The following CLECL1 variants were observed in gnomAD, a reference collection of about 807,000 sequenced individuals.
CLECL1 encodes C-type lectin like 1, also known as C-type lectin-like domain family 1.
At chr12:9,721,049 C>A (rs772113767), downstream of CLECL1, among the ~76,000 whole-genome samples, 3 of 152,176 alleles carry the variant, frequency 2.0e-5, no homozygotes, top group African/African-American at 4.8e-5. Context: ...GAAGGGGTAG[C>A]AGCATTTCTT....
chr12:9,718,660 GC>G, downstream of CLECL1: 1 of 693,546 alleles, frequency 1.4e-6, no homozygotes, highest in Non-Finnish European at 2.6e-6. Context: ...ATTGCGGTGG[GC>G]CCTAATCCAA....
downstream of CLECL1, among the ~76,000 whole-genome samples, chr12:9,714,215 T>G (rs1866218122): frequency 6.6e-6 from 1 of 152,212 alleles, no homozygotes; most frequent in Non-Finnish European, 1.5e-5. Flanking sequence ...GCATAAGTGG[T>G]GGGTCCATAG....
intron 3 of CLECL1, among the ~76,000 whole-genome samples, chr12:9,724,325 C>T (rs1238560566): frequency 6.6e-6 from 1 of 152,014 alleles, no homozygotes; most frequent in Non-Finnish European, 1.5e-5. Flanking sequence ...AAATGCCTTA[C>T]ATGAAAAACC....
chr12:9,733,743 G>A (rs2121073362), upstream of CLECL1, among the ~76,000 whole-genome samples: 1 of 152,250 alleles, frequency 6.6e-6, no homozygotes, highest in Non-Finnish European at 1.5e-5. Context: ...AAAATGAGGT[G>A]TTCAGAAATT....
At chr12:9,703,655 A>G in the CLECL1 span, among the ~76,000 whole-genome samples, 1 of 152,112 alleles carries the variant, frequency 6.6e-6, no homozygotes, top group African/African-American at 2.4e-5. Context: ...TTGGTCTTTC[A>G]AAGTGCTTGG....
chr12:9,713,667 T>C (rs1250611353), downstream of CLECL1, among the ~76,000 whole-genome samples: 1 of 152,250 alleles, frequency 6.6e-6, no homozygotes, highest in African/African-American at 2.4e-5. Context: ...TACTTATGTC[T>C]TTTTGTGCAA....
the CLECL1 span, among the ~76,000 whole-genome samples, chr12:9,708,678 C>A: frequency 6.6e-6 from 1 of 152,176 alleles, no homozygotes; most frequent in Non-Finnish European, 1.5e-5. Context: ...CAGTTAACTC[C>A]TATTCTCCGG....
chr12:9,725,188 C>T (rs777931967), intron 3 of CLECL1, among the ~76,000 whole-genome samples: 13 of 152,132 alleles, frequency 8.5e-5, no homozygotes, highest in South Asian at 4.1e-4. Context: ...CAGGCTGATG[C>T]GCAATGTTTC....
At chr12:9,731,571 G>A (rs1046323819) in intron 1 of CLECL1, among the ~76,000 whole-genome samples, 4 of 152,212 alleles carry the variant, frequency 2.6e-5, no homozygotes, top group African/African-American at 9.7e-5. Flanking sequence ...TCGCTTGATG[G>A]CGAAGTGACG....
chr12:9,716,844 A>C, intron 2 of CLECL1: 1 of 834,368 alleles, frequency 1.2e-6, no homozygotes. Context: ...AAACTACTGA[A>C]TGGATTATTA....
At chr12:9,714,280 A>G (rs74062708), downstream of CLECL1, among the ~76,000 whole-genome samples, 34,017 of 152,128 alleles carry the variant, frequency 0.22, 5,168 homozygotes, top group African/African-American at 0.43. Flanking sequence ...ACCTATGGCT[A>G]TGCTTCTTTT....
Position 9,731,786 on chromosome 12 carries a change from G to A in CLECL1, n.82+1163C>T, listed in dbSNP as rs375154919. Among the ~76,000 whole-genome samples the A allele has an allele frequency of 4.6e-5, 7 of 152,254 alleles. No homozygotes were observed. In the East Asian group the frequency reaches 1.3e-3, roughly 29 times the overall value. ...ATCCCTAAACTGGGAAAAGAATAAG[G>A]TTTTATTTATAAAAGTTCAAACCAT... On this transcript the variant is annotated intron_variant and non_coding_transcript_variant, in intron 1 of 3. Coordinates refer to ENST00000621400, the Ensembl canonical transcript of CLECL1.
intron 3 of CLECL1, among the ~76,000 whole-genome samples, chr12:9,724,116 G>A (rs1866347072): frequency 6.7e-6 from 1 of 150,196 alleles, no homozygotes; most frequent in Admixed American, 6.6e-5. Flanking sequence ...GAGTCTGGGA[G>A]GTAAAGGTTG....
chr12:9,712,936 C>T (rs769923495), downstream of CLECL1, among the ~76,000 whole-genome samples: 5 of 152,246 alleles, frequency 3.3e-5, no homozygotes, highest in East Asian at 9.6e-4. Flanking sequence ...TATATTGTAG[C>T]AGGATGAGCC....
downstream of CLECL1, among the ~76,000 whole-genome samples, chr12:9,711,104 GCAAA>G (rs749113598): frequency 5.9e-5 from 9 of 152,262 alleles, no homozygotes; most frequent in East Asian, 1.7e-3. Context: ...GGCTTCAGCT[GCAAA>G]CATTCACCCC....
chr12:9,711,024 A>T (rs767088907), downstream of CLECL1, among the ~76,000 whole-genome samples: 5 of 152,216 alleles, frequency 3.3e-5, no homozygotes, highest in Non-Finnish European at 7.3e-5. Flanking sequence ...GTTGACTAAC[A>T]CAAGGCACCT....
At chr12:9,711,142 C>A (rs1486874098), downstream of CLECL1, among the ~76,000 whole-genome samples, 5 of 152,128 alleles carry the variant, frequency 3.3e-5, no homozygotes, top group Admixed American at 3.3e-4. Flanking sequence ...GGGATCTGAA[C>A]CCCACAGCCT....
downstream of CLECL1, chr12:9,722,604 A>T: frequency 6.4e-7 from 1 of 1,560,618 alleles, no homozygotes; most frequent in Non-Finnish European, 8.7e-7. Context: ...ATTCACTGCC[A>T]GTGTGGGGGA....
the CLECL1 span, among the ~76,000 whole-genome samples, chr12:9,704,393 G>C: frequency 6.6e-6 from 1 of 152,164 alleles, no homozygotes; most frequent in Non-Finnish European, 1.5e-5. Context: ...TAGGGATTAA[G>C]TTATGTTCAT....
Sources: allele counts gnomAD v4.1 joint callset (sites outside exome capture counted in the v4.1 genomes callset), GRCh38; gene constraint gnomAD v4.1.1; transcripts MANE v1.5; gene names NCBI Gene and HGNC (gene_info 2026-07-23, HGNC 2026-07-21).